RDH10: variants seen among roughly 807,000 people sequenced by gnomAD.
RDH10 encodes the protein retinol dehydrogenase 10 (all-trans).
A neutral mutation model predicts 30.2 loss-of-function variants in RDH10; 12 were observed. The ratio of observed to expected loss-of-function variants is 0.40; its 90% CI spans 0.25 to 0.64. RDH10 has a LOEUF of 0.64. Among genes scored for constraint, RDH10 ranks in the 30% least tolerant of loss-of-function variants. The pLI is 0.43. For synonymous variants in RDH10, 189 were observed against 172.2 expected, an observed-to-expected ratio of 1.10 and a Z score of -0.76; for missense variants, 268 against 445.2, an observed-to-expected ratio of 0.60 and a Z score of 3.58.
chr8:73,316,795 C>T (rs1024231260), intron 2 of RDH10, among the ~76,000 whole-genome samples: 1 of 152,082 alleles, frequency 6.6e-6, no homozygotes, highest in African/African-American at 2.4e-5. Flanking sequence ...GCAATAAACA[C>T]GGCAGAAGCA....
In RDH10 at chr8:73,295,481, G is replaced by A. The variant is rs748787230; in HGVS notation, c.192G>A (p.Val64=). The A allele has an allele frequency of 1.3e-6, 2 of 1,553,750 alleles. No individual in the cohort carries two copies. Among genetic ancestry groups the A allele is most frequent in the Admixed American group, 3.9e-5 (2 of 51,678 alleles). Residue 64 remains valine (V), a synonymous_variant, in exon 1 of 6, where the codon GTG becomes GTA. Transcript: ENST00000240285. The part of the protein sequence containing the change: ...LEFARRRALL[V]LWDINTQSNE... Reference sequence around the variant, plus strand: ...TCGCCCGGCGTCGGGCGCTGCTGGTGCTGTGGGACATCAACACGCAAAGCA... The same window carrying A: ...TCGCCCGGCGTCGGGCGCTGCTGGTACTGTGGGACATCAACACGCAAAGCA...
intron 2 of RDH10, among the ~76,000 whole-genome samples, chr8:73,303,449 G>T (rs1190165613): frequency 6.6e-6 from 1 of 152,148 alleles, no homozygotes; most frequent in African/African-American, 2.4e-5. Context: ...CATAATAACT[G>T]TAAGACTAAT....
intron 2 of RDH10, chr8:73,315,721 T>A (rs1429574633): frequency 1.5e-5 from 5 of 323,364 alleles, no homozygotes; most frequent in African/African-American, 1.1e-4. Context: ...GACACGTGAG[T>A]GAGTGATTCA....
rs1434397758 is a variant in RDH10 at position 73,324,305 on chromosome 8, T to C, written c.*1269T>C. ...AACAGCAAATGACATTTTTACAGTA[T>C]TTTTTTGTAAAGCAAACTATTTTGT... On this transcript the variant is annotated 3_prime_UTR_variant, in exon 6 of 6. Coordinates refer to ENST00000240285, the MANE Select transcript of RDH10 (RefSeq NM_172037.5). The C allele has an allele frequency of 6.6e-6, 1 of 152,656 alleles. No homozygotes were observed. Among genetic ancestry groups the C allele is most frequent in the Non-Finnish European group, 1.5e-5 (1 of 68,034 alleles). 9.5% of individuals were successfully genotyped at this position (152,656 alleles called of 1,614,324 possible). A position where few individuals can be genotyped will look rare whatever the true frequency, so the allele number is the denominator to read the frequency against.
At position 73,295,129 on chromosome 8, in the gene RDH10, C is replaced by A; in HGVS notation, c.-161C>A. ...GGCCCCGCGCAGGCAGGGAGCGGCG[C>A]CGCGCACTCCAACCCGGCGGGCACC... On this transcript the variant is annotated 5_prime_UTR_variant, in exon 1 of 6. Coordinates refer to ENST00000240285, the MANE Select transcript of RDH10 (RefSeq NM_172037.5). 1 of 558,394 alleles carries A rather than the reference C, an allele frequency of 1.8e-6. No individual in the cohort carries two copies. The allele number at this position is 558,394 out of a possible 1,614,324, so 34.6% of individuals were successfully genotyped here.
At chr8:73,297,661 C>T (rs1814294010) in intron 2 of RDH10, 2 of 417,558 alleles carry the variant, frequency 4.8e-6, no homozygotes, top group Non-Finnish European at 4.2e-6. Flanking sequence ...GAGGATTGAA[C>T]ATTTTGAACT....
intron 2 of RDH10, among the ~76,000 whole-genome samples, chr8:73,314,623 G>A (rs1405756775): frequency 6.6e-6 from 1 of 152,212 alleles, no homozygotes; most frequent in African/African-American, 2.4e-5. Context: ...ACAGAGCAGA[G>A]CTGAGTAAAT....
chr8:73,298,815 G>C (rs529673293), intron 2 of RDH10, among the ~76,000 whole-genome samples: 11 of 152,026 alleles, frequency 7.2e-5, no homozygotes, highest in African/African-American at 2.4e-4. Flanking sequence ...ACCGCACCTG[G>C]CCTGTTTATT....
intron 2 of RDH10, chr8:73,315,459 G>T (rs1056383740): frequency 5.5e-5 from 19 of 348,102 alleles, no homozygotes; most frequent in African/African-American, 4.0e-4. Flanking sequence ...AATACCACCA[G>T]ATTCATTTCA....
chr8:73,298,543 TTTC>T (rs1814319172), intron 2 of RDH10, among the ~76,000 whole-genome samples: 1 of 148,038 alleles, frequency 6.8e-6, no homozygotes, highest in Non-Finnish European at 1.5e-5. Context: ...TTTATTTATT[TTTC>T]GAGATGGAGT....
chr8:73,312,229 G>C (rs1563549944), intron 2 of RDH10: 1 of 152,146 alleles, frequency 6.6e-6, no homozygotes, highest in Non-Finnish European at 1.5e-5. Context: ...TAGGAGGTAT[G>C]GTCCCCTGTG....
At chr8:73,304,661 C>T (rs1023590251) in intron 2 of RDH10, among the ~76,000 whole-genome samples, 5 of 152,164 alleles carry the variant, frequency 3.3e-5, no homozygotes, top group Non-Finnish European at 1.5e-5. Flanking sequence ...CTCACTGTGC[C>T]TGGAGAGAGC....
In RDH10 at chr8:73,297,184, C is replaced by G; in HGVS notation, c.290-10C>G. 3.9e-6 allele frequency: 6 copies of G among 1,545,650 alleles called. No homozygotes were observed. Among genetic ancestry groups the G allele is most frequent in the Non-Finnish European group, 5.4e-6 (6 of 1,117,466 alleles). ...GCATGTTTTCTCCTCATCTGGACTT[C>G]TGAGGACAGCTGGGAATGGTGAGGA... On this transcript the variant is annotated splice_polypyrimidine_tract_variant and intron_variant, in intron 1 of 5. Coordinates refer to ENST00000240285, the MANE Select transcript of RDH10 (RefSeq NM_172037.5).
intron 2 of RDH10, among the ~76,000 whole-genome samples, chr8:73,305,144 C>G (rs1296422226): frequency 6.6e-6 from 1 of 152,184 alleles, no homozygotes; most frequent in Non-Finnish European, 1.5e-5. Context: ...CCGGCAGAGC[C>G]CTTAGCCATT....
chr8:73,308,127 G>T (rs918320085), intron 2 of RDH10, among the ~76,000 whole-genome samples: 5 of 152,126 alleles, frequency 3.3e-5, no homozygotes, highest in Non-Finnish European at 5.9e-5. Context: ...AAAAAGTCAC[G>T]AATGGATAGG....
intron 2 of RDH10, among the ~76,000 whole-genome samples, chr8:73,313,568 A>G (rs1814609952): frequency 6.6e-6 from 1 of 152,112 alleles, no homozygotes; most frequent in African/African-American, 2.4e-5. Flanking sequence ...CTAGCTCTAC[A>G]TTTAATAGCC....
At chr8:73,296,507 C>T (rs1434616165) in intron 1 of RDH10, among the ~76,000 whole-genome samples, 1 of 152,016 alleles carries the variant, frequency 6.6e-6, no homozygotes, top group Non-Finnish European at 1.5e-5. Flanking sequence ...TTTTTGTGCT[C>T]CCTGCCGAAA....
chr8:73,304,015 A>T (rs12679208), intron 2 of RDH10, among the ~76,000 whole-genome samples: 10,470 of 152,268 alleles, frequency 0.069, 541 homozygotes, highest in Non-Finnish European at 0.087. Context: ...TGAAAAAAAC[A>T]GCAATGCTCC....
intron 2 of RDH10, among the ~76,000 whole-genome samples, chr8:73,309,163 A>G (rs1480821010): frequency 2.0e-5 from 3 of 151,830 alleles, no homozygotes; most frequent in Non-Finnish European, 4.4e-5. Flanking sequence ...TCTGGGGCCC[A>G]CTCTGATCTA....
Sources: allele counts gnomAD v4.1 joint callset (sites outside exome capture counted in the v4.1 genomes callset), GRCh38; gene constraint gnomAD v4.1.1; transcripts MANE v1.5; gene names NCBI Gene and HGNC (gene_info 2026-07-23, HGNC 2026-07-21).